ZNF721: variants seen among roughly 807,000 people sequenced by gnomAD.
ZNF721 encodes zinc finger protein 721.
A neutral mutation model predicts 2.4 loss-of-function variants in ZNF721; 2 were observed. The observed-to-expected ratio is 0.82, with a 90% CI of 0.34 to 2.58. The LOEUF is 2.58. Ranked by LOEUF, ZNF721 falls within the 30% of genes most tolerant of loss-of-function variation. The pLI is 0.11. For missense variants in ZNF721, 1,187 were observed against 1,085.5 expected (o/e 1.09, Z -1.31); for synonymous variants, 398 against 381.8 (o/e 1.04, Z -0.50).
chr4:475,491 G>T (rs1031906636), intron 1 of ZNF721, among the ~76,000 whole-genome samples: 20 of 151,846 alleles, frequency 1.3e-4, no homozygotes, highest in Non-Finnish European at 2.5e-4. Context: ...TCTCACTTTG[G>T]TCCTAATCTA....
rs1715645979 is a variant in ZNF721, at chr4:477,202, G to A, written c.-93-4501C>T. On this transcript the variant is annotated intron_variant, in intron 1 of 2. Coordinates refer to ENST00000511833, the MANE Select transcript of ZNF721 (RefSeq NM_133474.4). ...CAAGTCAAACCTTCTGGGAAAACATGGAAAGTATCTTTCCCTGACAAAGAG... is the reference window on the plus strand; with the variant it reads ...CAAGTCAAACCTTCTGGGAAAACATAGAAAGTATCTTTCCCTGACAAAGAG... Among the ~76,000 whole-genome samples, 3 of 150,648 alleles carry A rather than the reference G, an allele frequency of 2.0e-5. No homozygotes were observed. In the South Asian group the frequency reaches 6.3e-4, roughly 32 times the overall value.
At chr4:489,605 A>G (rs1715975233) in intron 1 of ZNF721, among the ~76,000 whole-genome samples, 1 of 152,168 alleles carries the variant, frequency 6.6e-6, no homozygotes. Flanking sequence ...AAGTTGGTAG[A>G]GAGGCTGTTC....
intron 2 of ZNF721, among the ~76,000 whole-genome samples, chr4:450,664 C>T (rs988680069): frequency 4.8e-5 from 6 of 123,766 alleles, no homozygotes; most frequent in East Asian, 2.2e-4. Context: ...AAGCCGGGCG[C>T]GGTTGGCTCA....
At position 441,455 on chromosome 4, in the gene ZNF721, T is replaced by C. The variant is rs1714232151; in HGVS notation, c.*240A>G. On this transcript the variant is annotated 3_prime_UTR_variant, in exon 3 of 3. Coordinates refer to ENST00000511833, the MANE Select transcript of ZNF721 (RefSeq NM_133474.4). ...GTCTTTGCCACATTTTTAATTTTAA[T>C]TTGGCTTCTCATCAATATAATTACT... 5.3e-6 allele frequency: 2 copies of C among 376,626 alleles called. No individual in the cohort carries two copies. Among genetic ancestry groups the C allele is most frequent in the South Asian group, 6.5e-5 (1 of 15,426 alleles). 23.3% of individuals were successfully genotyped at this position (376,626 alleles called of 1,614,324 possible). A position where few individuals can be genotyped will look rare whatever the true frequency, so the allele number is the denominator to read the frequency against.
chr4:459,284 A>C (rs984606344), intron 2 of ZNF721, among the ~76,000 whole-genome samples: 11 of 152,230 alleles, frequency 7.2e-5, no homozygotes, highest in Non-Finnish European at 1.3e-4. Flanking sequence ...TGACAGTATC[A>C]AATTTACATG....
chr4:480,647 G>T (rs923016722), intron 1 of ZNF721, among the ~76,000 whole-genome samples: 1 of 152,100 alleles, frequency 6.6e-6, no homozygotes, highest in Non-Finnish European at 1.5e-5. Context: ...GGAATTATAT[G>T]AGCTTTGTCA....
At chr4:483,942 G>C (rs1314741515) in intron 1 of ZNF721, among the ~76,000 whole-genome samples, 4 of 152,238 alleles carry the variant, frequency 2.6e-5, no homozygotes, top group African/African-American at 9.6e-5. Flanking sequence ...CTCCCGAGTA[G>C]CTGGGACTCC....
At chr4:472,472 A>T in intron 2 of ZNF721, 103 bp downstream of exon 2, 5 of 1,246,566 alleles carry the variant, frequency 4.0e-6, no homozygotes, top group Non-Finnish European at 5.6e-6. Flanking sequence ...TGTGTGTGTG[A>T]GACACACATT....
chr4:485,886 A>T (rs1715883377), intron 1 of ZNF721, among the ~76,000 whole-genome samples: 1 of 152,088 alleles, frequency 6.6e-6, no homozygotes. Context: ...GAGGCAGGAG[A>T]ATTGCTTGAA....
intron 2 of ZNF721, among the ~76,000 whole-genome samples, chr4:470,845 C>T (rs1715409873): frequency 6.6e-6 from 1 of 151,946 alleles, no homozygotes; most frequent in Non-Finnish European, 1.5e-5. Context: ...CTAAAAAATA[C>T]AAAACTTAGC....
intron 1 of ZNF721, among the ~76,000 whole-genome samples, chr4:495,351 CA>C (rs1236972004): frequency 9.1e-6 from 1 of 110,464 alleles, no homozygotes; most frequent in Admixed American, 8.5e-5. Context: ...AAAAAAAAGA[CA>C]AGGTCCTAGG....
rs782256836 is a variant in ZNF721, at chr4:443,359, AG to A, written c.1107del (p.Phe370LeufsTer7). 3 of 1,614,038 alleles carry A rather than the reference AG, an allele frequency of 1.9e-6. No individual in the cohort carries two copies. In the East Asian group the frequency reaches 6.7e-5, roughly 36 times the overall value. On this transcript the variant is annotated frameshift_variant, in exon 3 of 3. Transcript: ENST00000511833. LOFTEE classifies it low-confidence loss of function (END_TRUNC). ...TGATTCAGGGCTGTGTACCGTCCAA[AG>A]GCTTTGCCACAGTCTTCGCATTTGT... ...KPYKCEDCGK[A>X]FGRYTALNQH...
chr4:442,727 A>G lies in ZNF721; in HGVS notation c.1740T>C (p.Thr580=), dbSNP rs370293632. 1 of 1,614,104 alleles carries G rather than the reference A, an allele frequency of 6.2e-7. No homozygotes were observed. Among genetic ancestry groups the G allele is most frequent in the African/African-American group, 1.3e-5 (1 of 74,946 alleles). ...CTTCACATTTGTAAGGTTTCTCTCCAGTATGAATTCTCCTATGTACATAAA... is the reference window on the plus strand; with the variant it reads ...CTTCACATTTGTAAGGTTTCTCTCCGGTATGAATTCTCCTATGTACATAAA... The part of the protein sequence containing the change: ...ANLYVHRRIH[T]GEKPYKCEEC... The change falls in exon 3 of 3, where the codon ACT becomes ACC. Residue 580 remains threonine (T), a synonymous_variant. Transcript: ENST00000511833.
At chr4:485,709 C>T (rs138860859) in intron 1 of ZNF721, among the ~76,000 whole-genome samples, 3,004 of 152,252 alleles carry the variant, frequency 0.02, 36 homozygotes, top group Middle Eastern at 0.051. Flanking sequence ...GCTTAACTGG[C>T]GCACGCCTGT....
At position 443,797 on chromosome 4, in the gene ZNF721, T is replaced by C. The variant is rs781979057; in HGVS notation, c.670A>G (p.Lys224Glu). Reference protein sequence around the residue: ...IHTGDKPYKCKECGKAFMHSS... With the variant: ...IHTGDKPYKCEECGKAFMHSS... ...TGCATAAAGGCTTTCCCACATTCTT[T>C]ACATTTGTAGGGTTTATCTCCAGTA... Residue 224 changes from lysine (K) to glutamate (E), a missense_variant, in exon 3 of 3, where the codon AAA becomes GAA. Physicochemically the swap from Lys to Glu is moderately conservative, Grantham distance 56. Transcript: ENST00000511833. 5.0e-6 allele frequency: 8 copies of C among 1,613,974 alleles called. No individual in the cohort carries two copies. Among genetic ancestry groups the C allele is most frequent in the East Asian group, 4.5e-5 (2 of 44,864 alleles).
chr4:450,959 ATATATAT>A (rs1560228768), intron 2 of ZNF721, among the ~76,000 whole-genome samples: 1,367 of 22,044 alleles, frequency 0.062, 46 homozygotes, highest in Non-Finnish European at 0.077. Flanking sequence ...AAAAAAAAAT[ATATATAT>A]ATATATATAT....
In ZNF721 at chr4:472,619, T is replaced by C. The variant is rs782563463; in HGVS notation, c.-11A>G. 1.2e-6 allele frequency: 2 copies of C among 1,614,072 alleles called. No homozygotes were observed. The highest frequency in any genetic ancestry group is 1.7e-6 in the Non-Finnish European group (2 of 1,180,008). On this transcript the variant is annotated 5_prime_UTR_variant, in exon 2 of 3. Coordinates refer to ENST00000511833, the MANE Select transcript of ZNF721 (RefSeq NM_133474.4). Reference sequence around the variant, plus strand: ...GTAGTTCTCCAACATCACATCTCTATACAAATTCTGCTGGGCAGGGTCCAG... The same window carrying C: ...GTAGTTCTCCAACATCACATCTCTACACAAATTCTGCTGGGCAGGGTCCAG...
intron 2 of ZNF721, among the ~76,000 whole-genome samples, chr4:451,597 C>T (rs1479731905): frequency 6.6e-6 from 1 of 152,166 alleles, no homozygotes; most frequent in Non-Finnish European, 1.5e-5. Flanking sequence ...CCCTTTCTCC[C>T]TTCTCCACTT....
intron 2 of ZNF721, among the ~76,000 whole-genome samples, chr4:468,362 G>A (rs868985059): frequency 9.2e-5 from 14 of 151,806 alleles, no homozygotes; most frequent in South Asian, 4.2e-4. Context: ...CCTGGGAGGC[G>A]GAGGTTGCAG....
Sources: allele counts gnomAD v4.1 joint callset (sites outside exome capture counted in the v4.1 genomes callset), GRCh38; gene constraint gnomAD v4.1.1; transcripts MANE v1.5; gene names NCBI Gene and HGNC (gene_info 2026-07-23, HGNC 2026-07-21).